ADAMTS7: variants seen among roughly 807,000 people sequenced by gnomAD.
ADAMTS7 encodes A disintegrin and metalloproteinase with thrombospondin motifs 7.
ADAMTS7 carries 89 observed loss-of-function variants against 172.6 expected under a neutral mutation model. The ratio of observed to expected loss-of-function variants is 0.52; its 90% CI spans 0.43 to 0.61. ADAMTS7 has a LOEUF of 0.61. Among genes scored for constraint, ADAMTS7 ranks in the 20% least tolerant of loss-of-function variants. The pLI, the probability that ADAMTS7 is intolerant of heterozygous loss-of-function variation, is 0.00. For synonymous variants in ADAMTS7, 885 were observed against 978.4 expected (o/e 0.90, Z 1.78); for missense variants, 1,973 against 2,355.6 (o/e 0.84, Z 3.36).
intron 8 of ADAMTS7, among the ~76,000 whole-genome samples, chr15:78,780,756 A>G (rs1409677149): frequency 1.3e-5 from 2 of 151,806 alleles, no homozygotes; most frequent in Non-Finnish European, 2.9e-5. Flanking sequence ...CCTGCCCTCC[A>G]CTTACAGCAG....
intron 13 of ADAMTS7, 123 bp downstream of exon 13, chr15:78,774,044 G>C: frequency 6.8e-7 from 1 of 1,470,672 alleles, no homozygotes; most frequent in Non-Finnish European, 9.1e-7. Flanking sequence ...AGGGACCCAG[G>C]AGAGAACCTG....
rs560525209 is a variant in ADAMTS7 at position 78,797,504 on chromosome 15, C to T, written c.622+444G>A. ...CAGAGGAGGCACTGGGTACCACACT[C>T]CAGGTCCCAATAATAGAGGTTAGTT... On this transcript the variant is annotated intron_variant, in intron 3 of 23. Coordinates refer to ENST00000388820, the MANE Select transcript of ADAMTS7 (RefSeq NM_014272.5). 2.0e-5 allele frequency among the ~76,000 whole-genome samples: 3 copies of T among 152,336 alleles called. No homozygotes were observed. In the South Asian group the frequency reaches 6.2e-4, roughly 32 times the overall value.
At position 78,765,976 on chromosome 15, in the gene ADAMTS7, G is replaced by C; in HGVS notation, c.3935C>G (p.Pro1312Arg). The change falls in exon 19 of 24, where the codon CCG becomes CGG. Residue 1312 changes from proline to arginine, a missense_variant. Coordinates refer to ENST00000388820, the MANE Select transcript of ADAMTS7 (RefSeq NM_014272.5). ...TGGGGTTGGGAAGGAGGGAGTCCCC[G>C]GCTCCAGGGAACTGTCCCTGACCTT... Reference protein sequence around the residue: ...EMKVRDSSLEPGTPSFPTPGP... With the variant: ...EMKVRDSSLERGTPSFPTPGP... The C allele has an allele frequency of 6.3e-7, 1 of 1,595,946 alleles. No homozygotes were observed. The highest frequency in any genetic ancestry group is 8.5e-7 in the Non-Finnish European group (1 of 1,176,526).
Position 78,766,158 on chromosome 15 carries a change from G to T in ADAMTS7, c.3753C>A (p.Ser1251=), listed in dbSNP as rs774059730. ...GCTCCGCCACGTCAGGACTAGGAGAGGAGTGGGTGCTGCCAACAGGGGACA... is the reference window on the plus strand; with the variant it reads ...GCTCCGCCACGTCAGGACTAGGAGATGAGTGGGTGCTGCCAACAGGGGACA... ...PPLSPVGSTH[S]SPSPDVAELW... Residue 1251 remains serine, a synonymous_variant, in exon 19 of 24, where the codon TCC becomes TCA. Transcript: ENST00000388820. The T allele has an allele frequency of 1.2e-6, 2 of 1,611,682 alleles. No homozygotes were observed. The highest frequency in any genetic ancestry group is 1.7e-6 in the Non-Finnish European group (2 of 1,179,758).
At position 78,800,474 on chromosome 15, in the gene ADAMTS7, C is replaced by G; in HGVS notation, c.174G>C (p.Leu58=). ...GTGCGCGGGGCCACAGCTCGTAGGA[C>G]AGGAAGGAGCCCCCCGCGTCGACTC... ...PVRVDAGGSF[L]SYELWPRALR... Residue 58 remains leucine, a synonymous_variant, in exon 2 of 24, where the codon CTG becomes CTC. Transcript: ENST00000388820. 1 of 1,610,700 alleles carries G rather than the reference C, an allele frequency of 6.2e-7. No homozygotes were observed.
In ADAMTS7 at chr15:78,797,849, G is replaced by T; in HGVS notation, c.622+99C>A. On this transcript the variant is annotated intron_variant, in intron 3 of 23. Coordinates refer to ENST00000388820, the MANE Select transcript of ADAMTS7 (RefSeq NM_014272.5). Reference sequence around the variant, plus strand: ...GTCTGTCTGTGTCATCTGGTCTAAGGGGCACTGGGCATGGGGATGTTAAGG... The same window carrying T: ...GTCTGTCTGTGTCATCTGGTCTAAGTGGCACTGGGCATGGGGATGTTAAGG... The T allele has an allele frequency of 2.2e-6, 3 of 1,358,198 alleles. No individual in the cohort carries two copies. In the South Asian group the frequency reaches 3.9e-5, roughly 18 times the overall value. The allele number at this position is 1,358,198 out of a possible 1,614,324, so 84.1% of individuals were successfully genotyped here. A position where few individuals can be genotyped will look rare whatever the true frequency, so the allele number is the denominator to read the frequency against.
Position 78,811,170 on chromosome 15 carries a change from G to C in ADAMTS7, c.51C>G (p.Leu17=). The change falls in exon 1 of 24, where the codon CTC becomes CTG. Residue 17 remains leucine (L), a synonymous_variant. Transcript: ENST00000388820. ...GAGCCAGAGCGCAGAGGAGCAGGAG[G>C]AGGGGGCGCAGCAAAGGCGCGGGGC... ...PRSPAPLLRP[L]LLLLCALAPG... The C allele has an allele frequency of 8.1e-7, 1 of 1,230,150 alleles. No individual in the cohort carries two copies. Among genetic ancestry groups the C allele is most frequent in the South Asian group, 4.1e-5 (1 of 24,298 alleles). 76.2% of individuals were successfully genotyped at this position (1,230,150 alleles called of 1,614,324 possible).
At chr15:78,804,897 G>A (rs1229533078) in intron 1 of ADAMTS7, among the ~76,000 whole-genome samples, 1 of 152,208 alleles carries the variant, frequency 6.6e-6, no homozygotes. Context: ...ACTAGGACTA[G>A]GGACTAGGAA....
At chr15:78,807,737 C>T (rs1171601221) in intron 1 of ADAMTS7, among the ~76,000 whole-genome samples, 4 of 152,184 alleles carry the variant, frequency 2.6e-5, no homozygotes, top group African/African-American at 4.8e-5. Context: ...TAAGTTATGA[C>T]TGAAAATTAG....
chr15:78,796,300 C>G (rs915237098), intron 4 of ADAMTS7, among the ~76,000 whole-genome samples: 1 of 152,138 alleles, frequency 6.6e-6, no homozygotes, highest in Admixed American at 6.5e-5. Context: ...GCCCCCCAGG[C>G]AAGCACAGGG....
Position 78,800,369 on chromosome 15 carries a change from G to A in ADAMTS7, c.279C>T (p.Phe93=). 6.2e-7 allele frequency: 1 copy of A among 1,607,242 alleles called. No individual in the cohort carries two copies. Among genetic ancestry groups the A allele is most frequent in the Non-Finnish European group, 8.5e-7 (1 of 1,177,682 alleles). ...GCAGGTGCTGATTGGCGGTCAGGTT[G>A]AAGCGCAGCTCGCGCCCGCGGTATT... ...ELQYRGRELR[F]NLTANQHLLA... is the part of the protein sequence containing the mutation. The change falls in exon 2 of 24, where the codon TTC becomes TTT. Residue 93 remains phenylalanine (F), a synonymous_variant. Transcript: ENST00000388820.
At chr15:78,768,948 AG>A (rs2055204202) in intron 16 of ADAMTS7, among the ~76,000 whole-genome samples, 1 of 152,156 alleles carries the variant, frequency 6.6e-6, no homozygotes, top group Admixed American at 6.5e-5. Context: ...AGGCGGGTGA[AG>A]GGCATGAGGC....
intron 10 of ADAMTS7, 194 bp from the exon 11 acceptor site, chr15:78,776,527 C>G (rs961521957): frequency 2.4e-5 from 21 of 876,118 alleles, no homozygotes; most frequent in Non-Finnish European, 3.3e-5. Context: ...GGGAGTAAAA[C>G]AGCCCACATG....
Position 78,778,007 on chromosome 15 carries a change from G to A in ADAMTS7, c.1323-419C>T, listed in dbSNP as rs571442340. Among the ~76,000 whole-genome samples, 4 of 152,150 alleles carry A rather than the reference G, an allele frequency of 2.6e-5. 1 individual carries two copies. The highest frequency in any genetic ancestry group is 3.9e-4 in the East Asian group (2 of 5,158). ...TCACAGTTGACACAACAGAGCCTCC[G>A]ACGGCCCCACCCAGGCAGAGACCTT... is the stretch of plus-strand genomic sequence containing the variant. On this transcript the variant is annotated intron_variant, in intron 8 of 23. Transcript: ENST00000388820.
At chr15:78,789,625 G>A (rs561854106) in intron 7 of ADAMTS7, 64 bp downstream of exon 7, 79 of 1,589,096 alleles carry the variant, frequency 5.0e-5, no homozygotes, top group East Asian at 9.0e-5. Flanking sequence ...CTGGATACCC[G>A]GTGCCCCCAG....
intron 1 of ADAMTS7, among the ~76,000 whole-genome samples, chr15:78,802,664 C>G (rs182204922): frequency 2.7e-4 from 41 of 152,288 alleles, no homozygotes; most frequent in Admixed American, 2.5e-3. Context: ...CCACAAACCC[C>G]TTCTCCTCAG....
rs770651721 is a variant in ADAMTS7 at position 78,800,215 on chromosome 15, C to A, written c.433G>T (p.Ala145Ser). Residue 145 changes from alanine to serine, a missense_variant, in exon 2 of 24, where the codon GCC becomes TCC. Around this residue, in one of 8 missense-constraint regions of ADAMTS7, gnomAD observed 306 missense variants for 288.0 expected, o/e 1.06. Transcript: ENST00000388820. ...QDPELEGGLA[A>S]ISACDGLKGV... ...ACCAGGCCGTCGCAGGCGCTGATGGCCGCCAGGCCACCCTCGAGCTCAGGG... is the reference window on the plus strand; with the variant it reads ...ACCAGGCCGTCGCAGGCGCTGATGGACGCCAGGCCACCCTCGAGCTCAGGG... 4.4e-6 allele frequency: 7 copies of A among 1,594,322 alleles called. No homozygotes were observed. In the South Asian group the frequency reaches 7.7e-5, roughly 18 times the overall value.
intron 6 of ADAMTS7, among the ~76,000 whole-genome samples, chr15:78,790,321 T>C (rs1002241465): frequency 5.9e-5 from 9 of 152,124 alleles, no homozygotes; most frequent in African/African-American, 2.2e-4. Flanking sequence ...GGGAAGTACG[T>C]GTGGAACTGA....
chr15:78,788,398 G>A, intron 7 of ADAMTS7, 24 bp from the exon 8 acceptor site: 2 of 1,609,806 alleles, frequency 1.2e-6, no homozygotes, highest in Non-Finnish European at 1.7e-6. Flanking sequence ...CAGGCCCCAG[G>A]GGCGGGTGAG....
Sources: allele counts gnomAD v4.1 joint callset (sites outside exome capture counted in the v4.1 genomes callset), GRCh38; gene constraint gnomAD v4.1.1; regional missense constraint gnomAD v4.1.1; transcripts MANE v1.5; gene names NCBI Gene and HGNC (gene_info 2026-07-23, HGNC 2026-07-21).